RNASEH2B: variants seen among roughly 807,000 people sequenced by gnomAD.
RNASEH2B encodes ribonuclease H2 subunit B.
Under a neutral mutation model 45.0 loss-of-function variants are expected in RNASEH2B, and 36 were observed. That is an observed-to-expected ratio of 0.80 (90% CI 0.61 to 1.06). The LOEUF is 1.06. RNASEH2B is among the 50% of genes least tolerant of loss of function. RNASEH2B has a pLI of 0.00. For missense variants in RNASEH2B, 361 were observed against 360.3 expected, an observed-to-expected ratio of 1.00 and a Z score of -0.02; for synonymous variants, 119 against 125.7, an observed-to-expected ratio of 0.95 and a Z score of 0.35.
At chr13:50,960,174 A>G (rs1023262511), downstream of RNASEH2B, 20 of 1,115,906 alleles carry the variant, frequency 1.8e-5, no homozygotes, top group Middle Eastern at 3.4e-4. Context: ...ATTTTGTGGT[A>G]AAGTTTTATA....
downstream of RNASEH2B, among the ~76,000 whole-genome samples, chr13:50,958,879 G>A (rs1369778149): frequency 6.6e-6 from 1 of 151,954 alleles, no homozygotes; most frequent in African/African-American, 2.4e-5. Context: ...TTGGATGTGG[G>A]CTTATTGGAT....
At chr13:50,959,062 G>A (rs1442093442), downstream of RNASEH2B, among the ~76,000 whole-genome samples, 1 of 152,020 alleles carries the variant, frequency 6.6e-6, no homozygotes, top group Non-Finnish European at 1.5e-5. Context: ...TTTTATTGTG[G>A]TTTTAATTCA....
At chr13:50,963,299 G>A (rs1952130305) in intron 9 of RNASEH2B, among the ~76,000 whole-genome samples, 1 of 152,014 alleles carries the variant, frequency 6.6e-6, no homozygotes, top group Non-Finnish European at 1.5e-5. Flanking sequence ...CAAGTAGCTG[G>A]GATTACAGTC....
intron 1 of RNASEH2B, 94 bp downstream of exon 1, chr13:50,910,234 A>G: frequency 1.2e-6 from 1 of 858,676 alleles, no homozygotes; most frequent in Non-Finnish European, 1.6e-6. Context: ...GGTGGCTCCC[A>G]CTACCCGGCC....
chr13:50,965,669 T>C (rs1255757465), intron 9 of RNASEH2B, among the ~76,000 whole-genome samples: 3 of 152,208 alleles, frequency 2.0e-5, no homozygotes, highest in Admixed American at 6.5e-5. Flanking sequence ...CAAGGACTTA[T>C]TCATAAACTC....
intron 9 of RNASEH2B, among the ~76,000 whole-genome samples, chr13:50,949,717 A>G (rs957957502): frequency 1.3e-5 from 2 of 152,162 alleles, no homozygotes; most frequent in Non-Finnish European, 2.9e-5. Context: ...TGCCATGAAA[A>G]CCCAAGAAGA....
At chr13:50,940,360 G>T (rs1467631696) in intron 5 of RNASEH2B, among the ~76,000 whole-genome samples, 1 of 152,116 alleles carries the variant, frequency 6.6e-6, no homozygotes, top group African/African-American at 2.4e-5. Flanking sequence ...ATTTAAAATG[G>T]GTGTGTCCAT....
intron 2 of RNASEH2B, among the ~76,000 whole-genome samples, chr13:50,928,692 C>G (rs1951634266): frequency 6.6e-6 from 1 of 151,778 alleles, no homozygotes; most frequent in Non-Finnish European, 1.5e-5. Flanking sequence ...TTTTTTAATT[C>G]TTATAAAAAC....
intron 1 of RNASEH2B, among the ~76,000 whole-genome samples, chr13:50,920,205 C>T (rs918945123): frequency 2.6e-5 from 4 of 152,078 alleles, no homozygotes; most frequent in Admixed American, 1.3e-4. Flanking sequence ...CCACCACACC[C>T]GGCTAATTTT....
rs1425646419 is a variant in RNASEH2B, at chr13:50,910,007, A to G, written c.-70A>G. Reference sequence around the variant, plus strand: ...ACCCGGAACAGACCCTTCTCCCGCCATTTTCGGCGGGGCTGGGAGACTGAG... The same window carrying G: ...ACCCGGAACAGACCCTTCTCCCGCCGTTTTCGGCGGGGCTGGGAGACTGAG... On this transcript the variant is annotated 5_prime_UTR_variant, in exon 1 of 11. Transcript: ENST00000336617. The G allele has an allele frequency of 1.5e-6, 2 of 1,355,842 alleles. No individual in the cohort carries two copies. Among genetic ancestry groups the G allele is most frequent in the Non-Finnish European group, 2.0e-6 (2 of 1,016,090 alleles). 84.0% of individuals were successfully genotyped at this position (1,355,842 alleles called of 1,614,324 possible).
rs564346046 is a variant in RNASEH2B, at chr13:50,909,850, G to A, written c.-227G>A. 2 of 413,608 alleles carry A rather than the reference G, an allele frequency of 4.8e-6. No homozygotes were observed. Among genetic ancestry groups the A allele is most frequent in the East Asian group, 3.8e-5 (1 of 26,072 alleles). 25.6% of individuals were successfully genotyped at this position (413,608 alleles called of 1,614,324 possible). A position where few individuals can be genotyped will look rare whatever the true frequency, so the allele number is the denominator to read the frequency against. ...TTCCCGTTGCCTGCGGCCACCGGCC[G>A]GCATTCAGAGCCCCTCGCCTGGCGC... On this transcript the variant is annotated 5_prime_UTR_variant, in exon 1 of 11. Transcript: ENST00000336617.
chr13:50,960,212 C>T, downstream of RNASEH2B: 1 of 834,148 alleles, frequency 1.2e-6, no homozygotes, highest in Non-Finnish European at 1.6e-6. Context: ...TTTAAATAAC[C>T]AGTTTACTAA....
intron 5 of RNASEH2B, chr13:50,942,406 T>G (rs1420337776): frequency 6.6e-6 from 1 of 152,198 alleles, no homozygotes; most frequent in African/African-American, 2.4e-5. Context: ...AAAAGATAGA[T>G]AGATCTTTTT....
At chr13:50,951,810 CA>C (rs1239023685) in intron 9 of RNASEH2B, 1 of 152,112 alleles carries the variant, frequency 6.6e-6, no homozygotes, top group Non-Finnish European at 1.5e-5. Context: ...GAATAACATA[CA>C]AACTAGTTAT....
intron 6 of RNASEH2B, among the ~76,000 whole-genome samples, chr13:50,944,444 G>C (rs1316579183): frequency 6.6e-6 from 1 of 151,960 alleles, no homozygotes; most frequent in African/African-American, 2.4e-5. Flanking sequence ...ACACACCGGG[G>C]CTGTTTCGGG....
chr13:50,966,946 T>C (rs1407676542), intron 9 of RNASEH2B, among the ~76,000 whole-genome samples: 1 of 152,232 alleles, frequency 6.6e-6, no homozygotes, highest in African/African-American at 2.4e-5. Context: ...CATGTTTCAG[T>C]ACTAAACAGA....
intron 4 of RNASEH2B, among the ~76,000 whole-genome samples, chr13:50,931,296 G>A (rs1294905911): frequency 6.6e-6 from 1 of 152,048 alleles, no homozygotes; most frequent in African/African-American, 2.4e-5. Flanking sequence ...TTAGCCAGAA[G>A]TTCTGTAATA....
intron 7 of RNASEH2B, among the ~76,000 whole-genome samples, chr13:50,945,895 C>T (rs1951895029): frequency 6.6e-6 from 1 of 152,204 alleles, no homozygotes; most frequent in Non-Finnish European, 1.5e-5. Context: ...TAATGAGCAT[C>T]TTGAGGCCCT....
At chr13:50,934,802 A>G (rs941780807) in intron 4 of RNASEH2B, 83 bp from the exon 5 acceptor site, 1 of 933,520 alleles carries the variant, frequency 1.1e-6, no homozygotes, top group Admixed American at 2.0e-5. Flanking sequence ...AGGCCCAGCC[A>G]TGAGTTAATG....
Sources: gnomAD v4.1 joint callset for allele counts (sites outside exome capture counted in the v4.1 genomes callset) on GRCh38, gnomAD v4.1.1 for gene constraint, MANE v1.5 for transcripts, NCBI Gene and HGNC (gene_info 2026-07-23, HGNC 2026-07-21) for gene names.